DRC9: variants seen among roughly 807,000 people sequenced by gnomAD.
The protein encoded by DRC9 is dynein regulatory complex protein 9.
the DRC9 span, among the ~76,000 whole-genome samples, chr3:197,947,770 T>C: frequency 1.1e-4 from 17 of 152,140 alleles, no homozygotes; most frequent in Non-Finnish European, 2.2e-4. Context: ...CTGCTCCTTC[T>C]CTGCCAGAAT....
the DRC9 span, among the ~76,000 whole-genome samples, chr3:197,932,952 A>G: frequency 1.8e-5 from 2 of 110,650 alleles, no homozygotes; most frequent in Admixed American, 1.9e-4. Context: ...AATATATATT[A>G]TATATTATTA....
chr3:197,955,845 C>A, the DRC9 span: 2 of 1,255,520 alleles, frequency 1.6e-6, no homozygotes, highest in Admixed American at 1.7e-5. Context: ...AAACTTACTA[C>A]CTTAAATTGA....
At chr3:197,891,317 A>C in the DRC9 span, 1 of 562,374 alleles carries the variant, frequency 1.8e-6, no homozygotes, top group Admixed American at 3.3e-5. Context: ...ATAATAACAA[A>C]AGTCCATGCT....
the DRC9 span, chr3:197,932,164 T>C: frequency 6.2e-7 from 1 of 1,609,328 alleles, no homozygotes; most frequent in Non-Finnish European, 8.5e-7. Flanking sequence ...AAACCTAACA[T>C]GACTCTGACC....
chr3:197,946,405 A>C, the DRC9 span, among the ~76,000 whole-genome samples: 4 of 142,038 alleles, frequency 2.8e-5, no homozygotes, highest in Non-Finnish European at 3.0e-5. Flanking sequence ...ACTGCACTCC[A>C]GCCTGGGCGA....
the DRC9 span, chr3:197,960,164 G>C: frequency 6.8e-7 from 1 of 1,469,266 alleles, no homozygotes; most frequent in African/African-American, 1.4e-5. Flanking sequence ...TGGGCCCTCC[G>C]TCTACCCCCA....
the DRC9 span, among the ~76,000 whole-genome samples, chr3:197,933,626 G>A: frequency 6.6e-6 from 1 of 151,562 alleles, no homozygotes; most frequent in African/African-American, 2.4e-5. Flanking sequence ...TAGAGACTTG[G>A]TTTTTTTTAA....
chr3:197,926,643 G>C, the DRC9 span, among the ~76,000 whole-genome samples: 1 of 152,082 alleles, frequency 6.6e-6, no homozygotes, highest in Non-Finnish European at 1.5e-5. Flanking sequence ...ATCCTTCTCT[G>C]TGTGTTCTGA....
At chr3:197,954,212 T>A in the DRC9 span, 1 of 1,574,364 alleles carries the variant, frequency 6.4e-7, no homozygotes, top group Non-Finnish European at 8.7e-7. Flanking sequence ...TGTTGTGCTT[T>A]GACTTCTGAG....
the DRC9 span, chr3:197,943,975 G>A: frequency 1.3e-4 from 205 of 1,614,070 alleles, 1 homozygote; most frequent in African/African-American, 2.3e-3. Flanking sequence ...ACGGTACTAG[G>A]TGGTTCGCCT....
the DRC9 span, among the ~76,000 whole-genome samples, chr3:197,928,356 T>G: frequency 1.5e-4 from 23 of 151,320 alleles, no homozygotes; most frequent in Non-Finnish European, 2.5e-4. Context: ...TTTTTTTTTT[T>G]TTGTTTTTTT....
the DRC9 span, among the ~76,000 whole-genome samples, chr3:197,926,853 C>G: frequency 8.3e-4 from 126 of 152,264 alleles, no homozygotes; most frequent in African/African-American, 2.9e-3. Context: ...TGAAGGTTCC[C>G]TCCCCATTTT....
the DRC9 span, among the ~76,000 whole-genome samples, chr3:197,918,975 A>G: frequency 6.6e-6 from 1 of 151,916 alleles, no homozygotes; most frequent in Non-Finnish European, 1.5e-5. Flanking sequence ...CGCTGGGCTA[A>G]TTTTGTATTT....
At chr3:197,953,899 T>G in the DRC9 span, 1 of 1,098,418 alleles carries the variant, frequency 9.1e-7, no homozygotes, top group Non-Finnish European at 1.4e-6. Context: ...TCTCAGGTGA[T>G]GAAGTGGGTA....
chr3:197,928,341 C>CTT, the DRC9 span, among the ~76,000 whole-genome samples: 40 of 130,622 alleles, frequency 3.1e-4, no homozygotes, highest in Non-Finnish European at 3.8e-4. Flanking sequence ...TCTGTTCCCT[C>CTT]TTTTTTTTTT....
the DRC9 span, chr3:197,951,435 C>T: frequency 9.5e-7 from 1 of 1,054,444 alleles, no homozygotes; most frequent in Non-Finnish European, 1.4e-6. Flanking sequence ...TCACCGAAAC[C>T]TCCGCCTCCC....
the DRC9 span, among the ~76,000 whole-genome samples, chr3:197,929,370 G>T: frequency 6.6e-6 from 1 of 152,250 alleles, no homozygotes; most frequent in South Asian, 2.1e-4. This position sits in a 1 kb window ranked among gnomAD's most constrained non-coding sequence, Gnocchi z 4.6. Context: ...CTACAGTGCA[G>T]TGTTGCCCAC....
chr3:197,925,880 G>A, the DRC9 span: 48 of 636,748 alleles, frequency 7.5e-5, no homozygotes, highest in Non-Finnish European at 1.3e-4. Context: ...CACCGTGCCC[G>A]GCTATGTTTT....
the DRC9 span, among the ~76,000 whole-genome samples, chr3:197,932,647 A>G: frequency 6.7e-6 from 1 of 148,326 alleles, no homozygotes; most frequent in Non-Finnish European, 1.5e-5. Context: ...ATAAATAAAT[A>G]AATAAATAAA....
Sources: allele counts gnomAD v4.1 joint callset (sites outside exome capture counted in the v4.1 genomes callset), GRCh38; gene constraint gnomAD v4.1.1; non-coding constraint Gnocchi (gnomAD v3.1); transcripts MANE v1.5; gene names NCBI Gene and HGNC (gene_info 2026-07-23, HGNC 2026-07-21).